RAB30: variants seen among roughly 807,000 people sequenced by gnomAD.
The protein encoded by RAB30 is RAB30, member RAS oncogene family.
A neutral mutation model predicts 25.1 loss-of-function variants in RAB30; 9 were observed. The observed-to-expected ratio is 0.36, with a 90% CI of 0.22 to 0.63. The LOEUF is 0.63. RAB30 is among the 20% of genes least tolerant of loss of function. The pLI, the probability that RAB30 is intolerant of heterozygous loss-of-function variation, is 0.69. For synonymous variants in RAB30, 77 were observed against 86.4 expected, an observed-to-expected ratio of 0.89 and a Z score of 0.60; for missense variants, 140 against 243.5, an observed-to-expected ratio of 0.58 and a Z score of 2.83.
At chr11:83,009,971 T>C (rs1177435370) in intron 1 of RAB30, among the ~76,000 whole-genome samples, 1 of 152,230 alleles carries the variant, frequency 6.6e-6, no homozygotes, top group Non-Finnish European at 1.5e-5. Context: ...CTCACTATGT[T>C]GTCCAGGCTG....
At chr11:82,985,714 CTTT>C (rs60932116) in intron 4 of RAB30, among the ~76,000 whole-genome samples, 50 of 128,912 alleles carry the variant, frequency 3.9e-4, no homozygotes, top group Non-Finnish European at 4.2e-4. Context: ...CCTTACTTGG[CTTT>C]TTTTTTTTTT....
intron 1 of RAB30, among the ~76,000 whole-genome samples, chr11:83,050,348 A>T (rs1156459528): frequency 6.6e-6 from 1 of 151,998 alleles, no homozygotes; most frequent in African/African-American, 2.4e-5. Context: ...TCCCCTTACT[A>T]CCCACACTGT....
At chr11:83,011,099 G>T (rs1261480043) in intron 1 of RAB30, among the ~76,000 whole-genome samples, 1 of 152,172 alleles carries the variant, frequency 6.6e-6, no homozygotes, top group South Asian at 2.1e-4. Context: ...TTTTATTTTT[G>T]AAGTTTGTTA....
rs373330750 is a variant in RAB30, at chr11:82,997,218, C to T, written c.93+6G>A. On this transcript the variant is annotated splice_donor_region_variant and intron_variant, in intron 2 of 4. Coordinates refer to ENST00000527633, the MANE Select transcript of RAB30 (RefSeq NM_001286060.2). Reference sequence around the variant, plus strand: ...GGCTTACGAGTTCCCTTACGAGTTCCCTTACCTGAGTGAATCTTCGGACGA... The same window carrying T: ...GGCTTACGAGTTCCCTTACGAGTTCTCTTACCTGAGTGAATCTTCGGACGA... 1.8e-5 allele frequency: 29 copies of T among 1,601,738 alleles called. No homozygotes were observed. The highest frequency in any genetic ancestry group is 2.5e-5 in the Non-Finnish European group (29 of 1,168,846).
chr11:83,043,518 T>C (rs1858174389), intron 1 of RAB30, among the ~76,000 whole-genome samples: 1 of 152,186 alleles, frequency 6.6e-6, no homozygotes, highest in Non-Finnish European at 1.5e-5. Context: ...TTAGATGACA[T>C]AATGGAATCA....
rs975281646 is a variant in RAB30, at chr11:83,071,764, A to G, written c.-82T>C. On this transcript the variant is annotated 5_prime_UTR_variant, in exon 1 of 5. Transcript: ENST00000527633. ...TGCGAATGAGTCACGCACGCAAGGG[A>G]AGGTCTGCGATGTCCTGAGTCCAAG... is the stretch of plus-strand genomic sequence containing the variant. 2.9e-5 allele frequency: 8 copies of G among 276,978 alleles called. No homozygotes were observed. The highest frequency in any genetic ancestry group is 3.4e-5 in the Non-Finnish European group (5 of 149,214). 17.2% of individuals were successfully genotyped at this position (276,978 alleles called of 1,614,324 possible).
chr11:82,987,094 C>T (rs894579287), intron 4 of RAB30: 4 of 152,258 alleles, frequency 2.6e-5, no homozygotes, highest in Non-Finnish European at 5.9e-5. Flanking sequence ...GTTTTATTCT[C>T]CTACAAGATG....
intron 1 of RAB30, among the ~76,000 whole-genome samples, chr11:83,040,144 T>C (rs1448204823): frequency 6.6e-6 from 1 of 152,018 alleles, no homozygotes; most frequent in African/African-American, 2.4e-5. Context: ...GGGAATAGGA[T>C]ACAACACACA....
chr11:83,068,514 GC>G (rs1373038869), intron 1 of RAB30, among the ~76,000 whole-genome samples: 1 of 152,062 alleles, frequency 6.6e-6, no homozygotes, highest in East Asian at 1.9e-4. Flanking sequence ...GTTTTTTAAA[GC>G]CAGGCTAGGT....
chr11:83,009,556 C>A (rs1857260064), intron 1 of RAB30, among the ~76,000 whole-genome samples: 1 of 151,910 alleles, frequency 6.6e-6, no homozygotes. Flanking sequence ...AATATAAATT[C>A]TGGGATTTTA....
rs1465238522 is a variant in RAB30 at position 82,978,009 on chromosome 11, A to G, written c.*4156T>C. 1 of 152,164 alleles carries G rather than the reference A, an allele frequency of 6.6e-6. No homozygotes were observed. Among genetic ancestry groups the G allele is most frequent in the Non-Finnish European group, 1.5e-5 (1 of 68,030 alleles). 9.4% of individuals were successfully genotyped at this position (152,164 alleles called of 1,614,324 possible). On this transcript the variant is annotated 3_prime_UTR_variant, in exon 5 of 5. Coordinates refer to ENST00000527633, the MANE Select transcript of RAB30 (RefSeq NM_001286060.2). ...CAGAAATGAAATCCAAAAAGAAAGT[A>G]AAGAAAACATATCCCTCCCTTATCC...
At chr11:83,055,203 C>T (rs115344003) in intron 1 of RAB30, among the ~76,000 whole-genome samples, 3,684 of 152,294 alleles carry the variant, frequency 0.024, 146 homozygotes, top group African/African-American at 0.085. Context: ...AATCTGCCAC[C>T]ATACATAAAG....
At chr11:83,032,675 ATTCT>A (rs1390009196) in intron 1 of RAB30, among the ~76,000 whole-genome samples, 1 of 152,124 alleles carries the variant, frequency 6.6e-6, no homozygotes, top group Non-Finnish European at 1.5e-5. Flanking sequence ...TATTTAAAAC[ATTCT>A]TTCATATGCA....
intron 1 of RAB30, among the ~76,000 whole-genome samples, chr11:83,024,258 C>A (rs141436935): frequency 1.3e-5 from 2 of 152,290 alleles, no homozygotes; most frequent in East Asian, 1.9e-4. Context: ...TCTTGTTTTT[C>A]GCTTTCCAAT....
intron 1 of RAB30, among the ~76,000 whole-genome samples, chr11:82,998,844 G>T (rs7130916): frequency 0.015 from 2,351 of 152,292 alleles, 73 homozygotes; most frequent in African/African-American, 0.054. Flanking sequence ...CTCATGAGGG[G>T]AAGGGTGCTG....
chr11:83,021,031 CTG>C (rs1263710078), intron 1 of RAB30, among the ~76,000 whole-genome samples: 5 of 152,192 alleles, frequency 3.3e-5, no homozygotes, highest in Non-Finnish European at 7.3e-5. Context: ...TTGGGACAAC[CTG>C]CCTGCGGAGA....
intron 1 of RAB30, among the ~76,000 whole-genome samples, chr11:83,002,417 A>G (rs1857105510): frequency 6.6e-6 from 1 of 152,236 alleles, no homozygotes; most frequent in African/African-American, 2.4e-5. Context: ...GGGAATATAA[A>G]CAGGAGCACA....
intron 1 of RAB30, among the ~76,000 whole-genome samples, chr11:83,046,788 C>T (rs1858243686): frequency 6.6e-6 from 1 of 152,120 alleles, no homozygotes; most frequent in Non-Finnish European, 1.5e-5. Flanking sequence ...AGTCACAGCA[C>T]CCAGACAATT....
At chr11:83,016,546 C>A (rs1191284111) in intron 1 of RAB30, among the ~76,000 whole-genome samples, 2 of 151,958 alleles carry the variant, frequency 1.3e-5, no homozygotes, top group African/African-American at 4.8e-5. Context: ...AGACATGGGG[C>A]CTAATTACAA....
Sources: allele counts gnomAD v4.1 joint callset (sites outside exome capture counted in the v4.1 genomes callset), GRCh38; gene constraint gnomAD v4.1.1; transcripts MANE v1.5; gene names NCBI Gene and HGNC (gene_info 2026-07-23, HGNC 2026-07-21).